KHDRBS2: variants seen among roughly 807,000 people sequenced by gnomAD.
The protein encoded by KHDRBS2 is KH RNA binding domain containing, signal transduction associated 2.
A neutral mutation model predicts 44.3 loss-of-function variants in KHDRBS2; 26 were observed. The observed-to-expected ratio is 0.59, with a 90% CI of 0.43 to 0.81. The LOEUF (loss-of-function observed/expected upper bound fraction) is 0.81. Ranked by LOEUF, KHDRBS2 falls within the 40% of genes least tolerant of loss-of-function variation. KHDRBS2 has a pLI of 0.00. For synonymous variants in KHDRBS2, 194 were observed against 151.1 expected (o/e 1.28, Z -2.08); for missense variants, 476 against 433.1 (o/e 1.10, Z -0.88).
intron 1 of KHDRBS2, among the ~76,000 whole-genome samples, chr6:62,204,827 C>T (rs956342637): frequency 1.3e-5 from 2 of 151,974 alleles, no homozygotes; most frequent in African/African-American, 4.8e-5. Flanking sequence ...TCACTATATG[C>T]AGGTTTCACA....
intron 6 of KHDRBS2, among the ~76,000 whole-genome samples, chr6:61,833,225 G>A (rs1215623403): frequency 3.9e-5 from 6 of 152,094 alleles, no homozygotes; most frequent in African/African-American, 1.4e-4. Flanking sequence ...ATTGGCATTG[G>A]TATGAATGAT....
chr6:62,257,008 G>C (rs1423716704), intron 1 of KHDRBS2, among the ~76,000 whole-genome samples: 2 of 152,032 alleles, frequency 1.3e-5, no homozygotes, highest in African/African-American at 4.8e-5. Flanking sequence ...CTTTATTAAG[G>C]CTTCATACAG....
At chr6:62,147,460 T>G (rs762673732) in intron 2 of KHDRBS2, among the ~76,000 whole-genome samples, 5 of 151,918 alleles carry the variant, frequency 3.3e-5, no homozygotes, top group Non-Finnish European at 5.9e-5. Flanking sequence ...GGGCATTGCT[T>G]AGTTTCCCTT....
At chr6:61,980,798 T>A (rs72884444) in intron 3 of KHDRBS2, among the ~76,000 whole-genome samples, 176 of 152,310 alleles carry the variant, frequency 1.2e-3, no homozygotes, top group Middle Eastern at 3.4e-3. Context: ...GAGGACTGAC[T>A]TTACAAATAT....
intron 1 of KHDRBS2, among the ~76,000 whole-genome samples, chr6:62,235,129 A>ACAT (rs1030744574): frequency 1.6e-5 from 2 of 127,918 alleles, no homozygotes; most frequent in African/African-American, 6.1e-5. Context: ...ACTAATGCTT[A>ACAT]CGTGATCCAT....
At chr6:61,629,115 G>A in the KHDRBS2 span, among the ~76,000 whole-genome samples, 4 of 152,172 alleles carry the variant, frequency 2.6e-5, no homozygotes, top group Non-Finnish European at 5.9e-5. Flanking sequence ...CACAATTACA[G>A]AGAAATTCAT....
intron 6 of KHDRBS2, among the ~76,000 whole-genome samples, chr6:61,826,913 G>T (rs1258513253): frequency 6.6e-6 from 1 of 152,118 alleles, no homozygotes; most frequent in Non-Finnish European, 1.5e-5. Flanking sequence ...ACACGACATA[G>T]CTAGCTAGAA....
intron 6 of KHDRBS2, among the ~76,000 whole-genome samples, chr6:61,748,580 A>G (rs1188629989): frequency 6.6e-6 from 1 of 152,194 alleles, no homozygotes; most frequent in Admixed American, 6.5e-5. Context: ...ATTAATAAAC[A>G]TTTTTATATA....
chr6:62,213,639 C>G (rs180721090), intron 1 of KHDRBS2, among the ~76,000 whole-genome samples: 2 of 151,852 alleles, frequency 1.3e-5, no homozygotes, highest in East Asian at 3.9e-4. Context: ...GAATGGGAGG[C>G]TGAGACGGTC....
intron 6 of KHDRBS2, among the ~76,000 whole-genome samples, chr6:61,736,047 T>G (rs1036292378): frequency 1.3e-5 from 2 of 151,908 alleles, no homozygotes; most frequent in African/African-American, 4.8e-5. Context: ...TCTTTCAATC[T>G]AGAGGCTTAT....
intron 8 of KHDRBS2, among the ~76,000 whole-genome samples, chr6:61,691,597 CTG>C (rs1347300446): frequency 6.6e-6 from 1 of 151,986 alleles, no homozygotes; most frequent in African/African-American, 2.4e-5. Flanking sequence ...TTTTAAATGA[CTG>C]ATAAATTATT....
intron 6 of KHDRBS2, among the ~76,000 whole-genome samples, chr6:61,858,152 C>T (rs1293551876): frequency 1.3e-5 from 2 of 151,710 alleles, no homozygotes; most frequent in Non-Finnish European, 1.5e-5. Flanking sequence ...CAAATGAGCA[C>T]CTCAGAAGCA....
chr6:62,059,252 C>A (rs566121898), intron 2 of KHDRBS2, among the ~76,000 whole-genome samples: 2 of 85,408 alleles, frequency 2.3e-5, no homozygotes, highest in African/African-American at 9.6e-5. Context: ...GCACTGAGCA[C>A]TGAATAGGGA....
intron 6 of KHDRBS2, among the ~76,000 whole-genome samples, chr6:61,755,404 G>A (rs1449304992): frequency 6.6e-6 from 1 of 152,024 alleles, no homozygotes; most frequent in East Asian, 1.9e-4. Flanking sequence ...TCCTAATGAG[G>A]CTAAAAGTTC....
intron 1 of KHDRBS2, among the ~76,000 whole-genome samples, chr6:62,239,581 AAATG>A (rs58695984): frequency 0.8 from 120,819 of 151,500 alleles, 48,830 homozygotes; most frequent in African/African-American, 0.93. Flanking sequence ...TCAATTAAAT[AAATG>A]AATGAATAAA....
the KHDRBS2 span, among the ~76,000 whole-genome samples, chr6:61,662,930 G>T: frequency 6.6e-6 from 1 of 151,806 alleles, no homozygotes; most frequent in Non-Finnish European, 1.5e-5. Flanking sequence ...AAATCATGCT[G>T]CTATAAAGAC....
chr6:61,772,210 G>C (rs1482361920), intron 6 of KHDRBS2, among the ~76,000 whole-genome samples: 1 of 152,132 alleles, frequency 6.6e-6, no homozygotes, highest in Non-Finnish European at 1.5e-5. Flanking sequence ...GTCCACAAGA[G>C]AAAGCAGGAA....
At chr6:61,831,116 T>G (rs1791726914) in intron 6 of KHDRBS2, among the ~76,000 whole-genome samples, 1 of 152,150 alleles carries the variant, frequency 6.6e-6, no homozygotes, top group Non-Finnish European at 1.5e-5. Context: ...CTTTTCTTCT[T>G]TTTGAAGTTG....
chr6:61,961,259 T>C (rs1768642773), intron 4 of KHDRBS2, among the ~76,000 whole-genome samples: 1 of 151,828 alleles, frequency 6.6e-6, no homozygotes, highest in Non-Finnish European at 1.5e-5. Flanking sequence ...GAATAAAACA[T>C]CCAATAAAAA....
Sources: allele counts gnomAD v4.1 joint callset (sites outside exome capture counted in the v4.1 genomes callset), GRCh38; gene constraint gnomAD v4.1.1; transcripts MANE v1.5; gene names NCBI Gene and HGNC (gene_info 2026-07-23, HGNC 2026-07-21).